The following PDZRN3 variants were observed in gnomAD, a reference collection of about 807,000 sequenced individuals.
The protein encoded by PDZRN3 is PDZ domain containing ring finger 3.
PDZRN3 carries 38 observed loss-of-function variants against 85.7 expected under a neutral mutation model. The observed-to-expected ratio is 0.44, with a 90% CI of 0.34 to 0.58. The LOEUF (loss-of-function observed/expected upper bound fraction) is 0.58. PDZRN3 is among the 20% of genes least tolerant of loss of function. The pLI is 0.01. For synonymous variants in PDZRN3, 759 were observed against 638.0 expected (o/e 1.19, Z -2.86); for missense variants, 1,629 against 1,506.4 (o/e 1.08, Z -1.35).
rs2106927414 is a variant in PDZRN3 at position 73,624,602 on chromosome 3, A to G, written c.224T>C (p.Ile75Thr). The change falls in exon 1 of 10, where the codon ATC (isoleucine) becomes ACC (threonine). Residue 75 changes from isoleucine to threonine, a missense_variant. Physicochemically the swap from Ile to Thr is moderately conservative, Grantham distance 89 (BLOSUM62 -1). Transcript: ENST00000263666. ...CGCGCACTTGATGTCCAGCTTGAGG[A>G]TAAGGCGCTTGAGCGGCAGGACGTG... Reference protein sequence around the residue: ...LNHVLPLKRLILKLDIKCAYA... With the variant: ...LNHVLPLKRLTLKLDIKCAYA... 1 of 1,557,664 alleles carries G rather than the reference A, an allele frequency of 6.4e-7. No homozygotes were observed. The highest frequency in any genetic ancestry group is 8.7e-7 in the Non-Finnish European group (1 of 1,155,756).
chr3:73,481,905 C>T (rs1459991515), intron 3 of PDZRN3, among the ~76,000 whole-genome samples: 1 of 152,116 alleles, frequency 6.6e-6, no homozygotes, highest in Non-Finnish European at 1.5e-5. Flanking sequence ...AGAAACCATC[C>T]CTTCGCACCC....
intron 2 of PDZRN3, 90 bp from the exon 3 acceptor site, chr3:73,602,551 C>A: frequency 1.4e-6 from 1 of 717,308 alleles, no homozygotes; most frequent in Non-Finnish European, 2.5e-6. Context: ...GTAATTGACT[C>A]TTGCTGTGTC....
chr3:73,565,055 A>G (rs774968633), intron 3 of PDZRN3, among the ~76,000 whole-genome samples: 1 of 152,078 alleles, frequency 6.6e-6, no homozygotes, highest in Non-Finnish European at 1.5e-5. Flanking sequence ...ACAGCATAGC[A>G]CTATGTAATA....
intron 3 of PDZRN3, among the ~76,000 whole-genome samples, chr3:73,537,340 G>A (rs773269462): frequency 1.3e-5 from 2 of 152,180 alleles, no homozygotes; most frequent in Non-Finnish European, 2.9e-5. Context: ...CCCTTGACTT[G>A]AACAAGTAAT....
chr3:73,496,533 A>C (rs1703869947), intron 3 of PDZRN3, among the ~76,000 whole-genome samples: 1 of 150,410 alleles, frequency 6.6e-6, no homozygotes. Flanking sequence ...CATTTCACAC[A>C]GAAATAATTT....
At chr3:73,420,880 A>G (rs1338747275) in intron 3 of PDZRN3, among the ~76,000 whole-genome samples, 3 of 152,198 alleles carry the variant, frequency 2.0e-5, no homozygotes, top group African/African-American at 7.2e-5. Flanking sequence ...GAGTATTTGC[A>G]TCCTCCCATA....
chr3:73,612,521 T>C (rs1171532228), intron 1 of PDZRN3, among the ~76,000 whole-genome samples: 2 of 152,246 alleles, frequency 1.3e-5, no homozygotes, highest in African/African-American at 4.8e-5. Flanking sequence ...AATAAGACTA[T>C]TATGCCATGA....
chr3:73,462,353 C>A (rs1479492876), intron 3 of PDZRN3, among the ~76,000 whole-genome samples: 1 of 152,148 alleles, frequency 6.6e-6, no homozygotes, highest in Admixed American at 6.5e-5. Context: ...ACCATCCTGG[C>A]TAACACGGTG....
intron 3 of PDZRN3, among the ~76,000 whole-genome samples, chr3:73,428,228 C>CA (rs1386979996): frequency 1.3e-5 from 2 of 151,992 alleles, no homozygotes; most frequent in African/African-American, 4.8e-5. Flanking sequence ...AGTGGGTGAG[C>CA]ACCTCGGTTC....
Position 73,384,426 on chromosome 3 carries a change from G to A in PDZRN3, c.2140C>T (p.Gln714Ter). Residue 714 changes from glutamine to a stop codon, truncating the protein, a stop_gained, in exon 10 of 10, where the codon CAG becomes TAG. Transcript: ENST00000263666. LOFTEE classifies it high-confidence loss of function. ...TGCAGCATCCAGGACTCGCGGTACT[G>A]CTCCTTGAGCTGCTGCATCTTGTGG... is the stretch of plus-strand genomic sequence containing the variant. ...RAHKMQQLKE[Q>*]YRESWMLHNS... 1 of 1,611,040 alleles carries A rather than the reference G, an allele frequency of 6.2e-7. No homozygotes were observed.
At chr3:73,574,331 G>C (rs1702086944) in intron 3 of PDZRN3, among the ~76,000 whole-genome samples, 1 of 152,214 alleles carries the variant, frequency 6.6e-6, no homozygotes, top group East Asian at 1.9e-4. Flanking sequence ...CTTGACCATG[G>C]TAATTAGGCA....
intron 3 of PDZRN3, among the ~76,000 whole-genome samples, chr3:73,489,866 C>T (rs1461848395): frequency 6.6e-6 from 1 of 152,026 alleles, no homozygotes; most frequent in Non-Finnish European, 1.5e-5. Flanking sequence ...GCCACCACGC[C>T]CGGCCGGTAG....
intron 3 of PDZRN3, among the ~76,000 whole-genome samples, chr3:73,522,758 A>T (rs1331956966): frequency 6.6e-6 from 1 of 152,202 alleles, no homozygotes; most frequent in African/African-American, 2.4e-5. Flanking sequence ...TATTTGAAAG[A>T]GAGAAACAAT....
intron 3 of PDZRN3, among the ~76,000 whole-genome samples, chr3:73,446,961 C>T (rs1702759494): frequency 6.6e-6 from 1 of 151,316 alleles, no homozygotes; most frequent in South Asian, 2.1e-4. Context: ...TGGTGACAGT[C>T]AGACAATGAT....
At chr3:73,516,665 G>A (rs1255425822) in intron 3 of PDZRN3, among the ~76,000 whole-genome samples, 1 of 152,002 alleles carries the variant, frequency 6.6e-6, no homozygotes, top group Non-Finnish European at 1.5e-5. Context: ...TGGGTAGGCT[G>A]GATAAAAAAT....
At chr3:73,601,332 G>A (rs1481377766) in intron 3 of PDZRN3, among the ~76,000 whole-genome samples, 3 of 152,106 alleles carry the variant, frequency 2.0e-5, no homozygotes, top group Admixed American at 2.0e-4. Flanking sequence ...TTTGAAATAG[G>A]CCATGAAAAT....
At chr3:73,520,450 G>A (rs1704338879) in intron 3 of PDZRN3, among the ~76,000 whole-genome samples, 1 of 151,674 alleles carries the variant, frequency 6.6e-6, no homozygotes, top group East Asian at 1.9e-4. Flanking sequence ...GCTGCAGTGA[G>A]CCGAGATCCC....
At chr3:73,388,368 T>A (rs1413329024) in intron 7 of PDZRN3, among the ~76,000 whole-genome samples, 3 of 152,112 alleles carry the variant, frequency 2.0e-5, no homozygotes, top group African/African-American at 7.2e-5. Flanking sequence ...AGAAAAATCA[T>A]AATGCTCTGC....
At chr3:73,538,063 C>A (rs1246220441) in intron 3 of PDZRN3, among the ~76,000 whole-genome samples, 3 of 152,174 alleles carry the variant, frequency 2.0e-5, no homozygotes, top group Non-Finnish European at 4.4e-5. Context: ...CTTGAGTGAG[C>A]ATGATCATAG....
Sources: allele counts gnomAD v4.1 joint callset (sites outside exome capture counted in the v4.1 genomes callset), GRCh38; gene constraint gnomAD v4.1.1; transcripts MANE v1.5; gene names NCBI Gene and HGNC (gene_info 2026-07-23, HGNC 2026-07-21).